Variants in EBF2 observed in about 807,000 individuals in gnomAD.
The protein encoded by EBF2 is transcription factor COE2.
A neutral mutation model predicts 72.8 loss-of-function variants in EBF2; 21 were observed. That is an observed-to-expected ratio of 0.29 (90% CI 0.20 to 0.42). The LOEUF (loss-of-function observed/expected upper bound fraction) is 0.42, where lower values mean the gene tolerates loss of function less well. Among genes scored for constraint, EBF2 ranks in the 10% least tolerant of loss-of-function variants. EBF2 has a pLI of 1.00. For missense variants in EBF2, 637 were observed against 731.2 expected, an observed-to-expected ratio of 0.87 and a Z score of 1.49; for synonymous variants, 299 against 274.2, an observed-to-expected ratio of 1.09 and a Z score of -0.89.
chr8:25,844,511 T>C lies in EBF2; in HGVS notation c.*98A>G. ...CCCAAGGGTGTCCATCATGTTCATG[T>C]GGGGGCACCACTACACCCCCAAAAG... On this transcript the variant is annotated 3_prime_UTR_variant, in exon 16 of 16. Coordinates refer to ENST00000520164, the MANE Select transcript of EBF2 (RefSeq NM_022659.4). 7.2e-7 allele frequency: 1 copy of C among 1,387,786 alleles called. No homozygotes were observed. The allele number at this position is 1,387,786 out of a possible 1,614,324, so 86.0% of individuals were successfully genotyped here. A position where few individuals can be genotyped will look rare whatever the true frequency, so the allele number is the denominator to read the frequency against.
intron 10 of EBF2, among the ~76,000 whole-genome samples, chr8:25,866,629 A>AT (rs1172982749): frequency 1.4e-4 from 14 of 103,024 alleles, no homozygotes; most frequent in Admixed American, 3.0e-4. Flanking sequence ...TTATATATAT[A>AT]TATATATTTT....
intron 6 of EBF2, among the ~76,000 whole-genome samples, chr8:25,917,613 G>A (rs932506545): frequency 6.6e-6 from 1 of 152,116 alleles, no homozygotes; most frequent in Admixed American, 6.5e-5. Flanking sequence ...AAATCTTTCC[G>A]TGAGACTTCA....
intron 7 of EBF2, among the ~76,000 whole-genome samples, chr8:25,903,605 G>C: frequency 6.6e-6 from 1 of 152,202 alleles, no homozygotes; most frequent in Non-Finnish European, 1.5e-5. Flanking sequence ...GCTGAGGCAG[G>C]AGAATGGCGT....
At chr8:25,924,416 C>G (rs186328794) in intron 6 of EBF2, among the ~76,000 whole-genome samples, 5 of 152,300 alleles carry the variant, frequency 3.3e-5, no homozygotes, top group African/African-American at 1.2e-4. Flanking sequence ...CCACAGGGTT[C>G]TGTTTATTTC....
intron 6 of EBF2, among the ~76,000 whole-genome samples, chr8:25,912,098 C>A (rs1473157636): frequency 6.6e-6 from 1 of 152,064 alleles, no homozygotes; most frequent in African/African-American, 2.4e-5. Flanking sequence ...TGGAGGGAAA[C>A]ACAGTTTGCT....
At chr8:25,852,133 G>A (rs1801992476) in intron 14 of EBF2, among the ~76,000 whole-genome samples, 1 of 152,076 alleles carries the variant, frequency 6.6e-6, no homozygotes. Context: ...AAAAAAATTG[G>A]AAAGGAGAAC....
At chr8:25,907,909 T>C (rs1012725001) in intron 7 of EBF2, among the ~76,000 whole-genome samples, 1 of 152,124 alleles carries the variant, frequency 6.6e-6, no homozygotes, top group Non-Finnish European at 1.5e-5. Flanking sequence ...TTTTATTAGC[T>C]CGTCTCCTCA....
chr8:25,864,665 A>G (rs1802272883), intron 10 of EBF2, among the ~76,000 whole-genome samples: 1 of 152,164 alleles, frequency 6.6e-6, no homozygotes, highest in African/African-American at 2.4e-5. Context: ...AATGGTTTCT[A>G]TACATATATT....
chr8:25,942,036 C>G (rs1200996181), intron 6 of EBF2, among the ~76,000 whole-genome samples: 2 of 152,160 alleles, frequency 1.3e-5, no homozygotes, highest in Non-Finnish European at 2.9e-5. Context: ...TTCCCGTCCT[C>G]AGGGAACTCC....
intron 6 of EBF2, among the ~76,000 whole-genome samples, chr8:25,940,063 A>C (rs1359315737): frequency 2.6e-5 from 4 of 152,346 alleles, no homozygotes; most frequent in Non-Finnish European, 4.4e-5. Context: ...ACACCTGTTG[A>C]TTATAAACAC....
At chr8:25,948,575 G>T (rs76533215) in intron 6 of EBF2, among the ~76,000 whole-genome samples, 2 of 152,150 alleles carry the variant, frequency 1.3e-5, no homozygotes, top group Non-Finnish European at 2.9e-5. Flanking sequence ...AAGGAAATGC[G>T]CTTTGCTGTG....
At chr8:25,935,512 A>G (rs2117150754) in intron 6 of EBF2, among the ~76,000 whole-genome samples, 1 of 152,274 alleles carries the variant, frequency 6.6e-6, no homozygotes, top group Non-Finnish European at 1.5e-5. Context: ...TCTGCTACAC[A>G]AAGCCCTTGC....
intron 6 of EBF2, among the ~76,000 whole-genome samples, chr8:26,000,992 G>T (rs1804714340): frequency 6.6e-6 from 1 of 152,210 alleles, no homozygotes; most frequent in Admixed American, 6.5e-5. Context: ...TCAACGAGGG[G>T]CCATAAATGT....
chr8:26,041,152 G>A, intron 2 of EBF2, 150 bp from the exon 3 acceptor site: 1 of 857,568 alleles, frequency 1.2e-6, no homozygotes, highest in Non-Finnish European at 1.8e-6. Flanking sequence ...CAAAGGGCAT[G>A]AGCATCTGCC....
chr8:25,893,312 T>A (rs1358686321), intron 7 of EBF2, among the ~76,000 whole-genome samples: 2 of 141,382 alleles, frequency 1.4e-5, no homozygotes, highest in African/African-American at 5.3e-5. Flanking sequence ...GACAGCGTCT[T>A]GCTCTATCAC....
chr8:25,985,243 G>T (rs1182969240), intron 6 of EBF2, among the ~76,000 whole-genome samples: 2 of 152,118 alleles, frequency 1.3e-5, no homozygotes, highest in African/African-American at 4.8e-5. Context: ...TTTAGAATTG[G>T]CTGGGAATTT....
intron 6 of EBF2, among the ~76,000 whole-genome samples, chr8:25,968,237 G>A (rs1034926307): frequency 1.3e-5 from 2 of 152,014 alleles, no homozygotes; most frequent in Non-Finnish European, 2.9e-5. Flanking sequence ...TTTGTACAAT[G>A]TTCAAAGCAG....
chr8:25,990,888 C>G (rs1804531526), intron 6 of EBF2, among the ~76,000 whole-genome samples: 1 of 152,114 alleles, frequency 6.6e-6, no homozygotes, highest in South Asian at 2.1e-4. Context: ...GAGTGGATGC[C>G]AAATTTGGGT....
rs1805612579 is a variant in EBF2 at position 26,042,164 on chromosome 8, G to A, written c.219C>T (p.Leu73=). ...KSNFFHFVLA[L]YDRQGQPVEI... is the part of the protein sequence containing the mutation. ...CCACCGGCTGGCCCTGCCTGTCATA[G>A]AGCGCCAGGACGAAGTGAAAGAAGT... The change falls in exon 2 of 16, where the codon CTC becomes CTT. Residue 73 remains leucine (L), a synonymous_variant. Coordinates refer to ENST00000520164, the MANE Select transcript of EBF2 (RefSeq NM_022659.4). The A allele has an allele frequency of 6.2e-7, 1 of 1,614,204 alleles. No homozygotes were observed. The highest frequency in any genetic ancestry group is 8.5e-7 in the Non-Finnish European group (1 of 1,180,042).
Sources: gnomAD v4.1 joint callset for allele counts (sites outside exome capture counted in the v4.1 genomes callset) on GRCh38, gnomAD v4.1.1 for gene constraint, MANE v1.5 for transcripts, NCBI Gene and HGNC (gene_info 2026-07-23, HGNC 2026-07-21) for gene names.